Variants in ACRV1 observed in about 807,000 individuals in gnomAD.
ACRV1 encodes the protein acrosomal vesicle protein 1, also known as acrosomal protein SP-10.
ACRV1 carries 17 observed loss-of-function variants against 29.2 expected under a neutral mutation model. The ratio of observed to expected loss-of-function variants is 0.58; its 90% CI spans 0.40 to 0.87. ACRV1 has a LOEUF of 0.87. Ranked by LOEUF, ACRV1 falls within the 40% of genes least tolerant of loss-of-function variation. The pLI is 0.00. For missense variants in ACRV1, 294 were observed against 316.0 expected (o/e 0.93, Z 0.53); for synonymous variants, 98 against 111.6 (o/e 0.88, Z 0.77).
At chr11:125,674,946 C>T (rs577453202) in intron 3 of ACRV1, among the ~76,000 whole-genome samples, 139 of 152,318 alleles carry the variant, frequency 9.1e-4, no homozygotes, top group African/African-American at 3.2e-3. Flanking sequence ...TTCCTATTTA[C>T]ATCCTGCACT....
At chr11:125,680,649 TG>T in intron 1 of ACRV1, 79 bp downstream of exon 1, 1 of 1,304,468 alleles carries the variant, frequency 7.7e-7, no homozygotes, top group Non-Finnish European at 1.1e-6. Context: ...ACTGAGAGAC[TG>T]GTCTTCCTTC....
intron 2 of ACRV1, among the ~76,000 whole-genome samples, chr11:125,677,302 G>C (rs964596894): frequency 2.6e-5 from 4 of 152,156 alleles, no homozygotes; most frequent in African/African-American, 9.7e-5. Flanking sequence ...ACTAGCAGTT[G>C]TCCTAGGAAC....
intron 3 of ACRV1, among the ~76,000 whole-genome samples, chr11:125,674,877 C>A (rs753943651): frequency 5.3e-5 from 8 of 152,218 alleles, no homozygotes; most frequent in Non-Finnish European, 1.0e-4. Flanking sequence ...TCCAGTCAAC[C>A]TTTCCAAGTT....
intron 3 of ACRV1, among the ~76,000 whole-genome samples, chr11:125,674,449 A>G (rs1251088362): frequency 2.6e-5 from 4 of 152,114 alleles, no homozygotes; most frequent in Admixed American, 6.5e-5. Flanking sequence ...TGGAGAAAAC[A>G]TGAAAACATG....
chr11:125,672,201 T>C lies in ACRV1; in HGVS notation c.*392A>G, dbSNP rs143533286. ...CATTCCTCTTTGTTGTCTCTGCCCT[T>C]GGAGACTCCTTTACTTTCATAAATA... On this transcript the variant is annotated 3_prime_UTR_variant, in exon 4 of 4. Coordinates refer to ENST00000533904, the MANE Select transcript of ACRV1 (RefSeq NM_001612.6). 181 of 164,686 alleles carry C rather than the reference T, an allele frequency of 1.1e-3. 1 individual carries two copies. The highest frequency in any genetic ancestry group is 8.9e-3 in the Admixed American group (144 of 16,118). 10.2% of individuals were successfully genotyped at this position (164,686 alleles called of 1,614,324 possible). A position where few individuals can be genotyped will look rare whatever the true frequency, so the allele number is the denominator to read the frequency against.
At chr11:125,678,978 T>TTATATATATATATATA (rs10522682) in intron 1 of ACRV1, among the ~76,000 whole-genome samples, 1,600 of 88,194 alleles carry the variant, frequency 0.018, 89 homozygotes, top group Middle Eastern at 0.024. Flanking sequence ...TCTAGGCATA[T>TTATATATATATATATA]TATATATATA....
Position 125,672,355 on chromosome 11 carries a change from A to G in ACRV1, c.*238T>C, listed in dbSNP as rs1017310442. On this transcript the variant is annotated 3_prime_UTR_variant, in exon 4 of 4. Coordinates refer to ENST00000533904, the MANE Select transcript of ACRV1 (RefSeq NM_001612.6). ...TGTGTGCTTTAACCATGTGAAATTT[A>G]TTGAAAAAAAAATCAGGAATATTGA... is the stretch of plus-strand genomic sequence containing the variant. 3 of 480,460 alleles carry G rather than the reference A, an allele frequency of 6.2e-6. No homozygotes were observed. The highest frequency in any genetic ancestry group is 5.9e-5 in the African/African-American group (3 of 50,760). 29.8% of individuals were successfully genotyped at this position (480,460 alleles called of 1,614,324 possible).
At chr11:125,679,459 C>CT (rs1480110380) in intron 1 of ACRV1, among the ~76,000 whole-genome samples, 2 of 152,212 alleles carry the variant, frequency 1.3e-5, no homozygotes, top group East Asian at 3.9e-4. Context: ...CTCAAGTGAT[C>CT]CGCCCGCCTC....
chr11:125,675,026 ATC>A (rs1942423297), intron 3 of ACRV1, among the ~76,000 whole-genome samples: 1 of 152,218 alleles, frequency 6.6e-6, no homozygotes, highest in Non-Finnish European at 1.5e-5. Flanking sequence ...CTAAATCAGT[ATC>A]TCTTTAATCT....
intron 1 of ACRV1, 94 bp downstream of exon 1, chr11:125,680,635 G>A (rs1236754631): frequency 8.6e-7 from 1 of 1,156,504 alleles, no homozygotes; most frequent in Non-Finnish European, 1.3e-6. Context: ...GATTGGTTTG[G>A]GTGACTGAGA....
At chr11:125,680,619 G>T in intron 1 of ACRV1, 110 bp downstream of exon 1, 1 of 963,598 alleles carries the variant, frequency 1.0e-6, no homozygotes, top group Non-Finnish European at 1.6e-6. Context: ...TCTTGATTCT[G>T]ACTCAGATTG....
At chr11:125,677,570 A>G (rs1029996660) in intron 2 of ACRV1, among the ~76,000 whole-genome samples, 1 of 151,948 alleles carries the variant, frequency 6.6e-6, no homozygotes, top group Non-Finnish European at 1.5e-5. Context: ...GGCATTTTGT[A>G]TTTGTTTTAT....
chr11:125,674,235 T>G (rs114112294), intron 3 of ACRV1, among the ~76,000 whole-genome samples: 16 of 152,270 alleles, frequency 1.1e-4, no homozygotes, highest in African/African-American at 1.9e-4. Context: ...CTGAGAGAGA[T>G]AAAAATAGCC....
Position 125,680,657 on chromosome 11 carries a change from C to T in ACRV1, c.52+72G>A, listed in dbSNP as rs1028616980. Reference sequence around the variant, plus strand: ...TTGGGTGACTGAGAGACTGGTCTTCCTTCTTCAAGGCCTGAAATGTCTTAA... The same window carrying T: ...TTGGGTGACTGAGAGACTGGTCTTCTTTCTTCAAGGCCTGAAATGTCTTAA... On this transcript the variant is annotated intron_variant, in intron 1 of 3. Transcript: ENST00000533904. The T allele has an allele frequency of 3.6e-6, 5 of 1,407,536 alleles. No individual in the cohort carries two copies. In the African/African-American group the frequency reaches 7.2e-5, roughly 20 times the overall value. 87.2% of individuals were successfully genotyped at this position (1,407,536 alleles called of 1,614,324 possible). A position where few individuals can be genotyped will look rare whatever the true frequency, so the allele number is the denominator to read the frequency against.
chr11:125,673,756 A>C (rs1942332623), intron 3 of ACRV1, among the ~76,000 whole-genome samples: 1 of 152,110 alleles, frequency 6.6e-6, no homozygotes, highest in African/African-American at 2.4e-5. Context: ...CACACCTTCA[A>C]AACCTCTGTC....
At chr11:125,676,542 A>C in intron 2 of ACRV1, 64 bp from the exon 3 acceptor site, 1 of 1,599,000 alleles carries the variant, frequency 6.3e-7, no homozygotes, top group Non-Finnish European at 8.6e-7. Flanking sequence ...CTTGATTCAC[A>C]TCTGGGAGGG....
chr11:125,678,168 C>G lies in ACRV1; in HGVS notation c.182G>C (p.Gly61Ala). The change falls in exon 2 of 4, where the codon GGC (glycine) becomes GCC (alanine). Residue 61 changes from glycine to alanine, a missense_variant. Transcript: ENST00000533904. ...DAEALYETSS[G>A]LNTLSEHGSS... is the part of the protein sequence containing the mutation. ...ACCATGCTCACTTAAAGTGTTCAGG[C>G]CTGAAGAAGTCTCATATAAAGCCTC... 1 of 1,614,114 alleles carries G rather than the reference C, an allele frequency of 6.2e-7. No homozygotes were observed. The highest frequency in any genetic ancestry group is 8.5e-7 in the Non-Finnish European group (1 of 1,180,028).
chr11:125,679,061 TGTC>T (rs1942668868), intron 1 of ACRV1, among the ~76,000 whole-genome samples: 1 of 146,644 alleles, frequency 6.8e-6, no homozygotes, highest in Non-Finnish European at 1.5e-5. Context: ...TTCATGGAGT[TGTC>T]CTGAGTACTT....
In ACRV1 at chr11:125,676,197, C is replaced by T. The variant is rs560092206; in HGVS notation, c.673+162G>A. The T allele has an allele frequency of 5.3e-6, 5 of 936,636 alleles. No homozygotes were observed. The South Asian group carries it at 9.0e-5, about 17-fold the overall frequency. 58.0% of individuals were successfully genotyped at this position (936,636 alleles called of 1,614,324 possible). A position where few individuals can be genotyped will look rare whatever the true frequency, so the allele number is the denominator to read the frequency against. ...TGCTGGGATTTTAGGTGTGAGCCAC[C>T]TCGCCTGGCAAGGGATTCTGTTCTT... On this transcript the variant is annotated intron_variant, in intron 3 of 3. Transcript: ENST00000533904.
Sources: allele counts gnomAD v4.1 joint callset (sites outside exome capture counted in the v4.1 genomes callset), GRCh38; gene constraint gnomAD v4.1.1; transcripts MANE v1.5; gene names NCBI Gene and HGNC (gene_info 2026-07-23, HGNC 2026-07-21).